CRYL1: variants seen among roughly 807,000 people sequenced by gnomAD.
CRYL1 encodes lambda-crystallin homolog.
Under a neutral mutation model 36.6 loss-of-function variants are expected in CRYL1, and 29 were observed. The ratio of observed to expected loss-of-function variants is 0.79; its 90% CI spans 0.59 to 1.08. CRYL1 has a LOEUF of 1.08. CRYL1 is among the 50% of genes least tolerant of loss of function. The pLI is 0.00. For missense variants in CRYL1, 411 were observed against 407.9 expected, an observed-to-expected ratio of 1.01 and a Z score of -0.06; for synonymous variants, 152 against 151.5, an observed-to-expected ratio of 1.00 and a Z score of -0.02.
chr13:20,510,801 T>TA (rs1233366987), intron 2 of CRYL1, among the ~76,000 whole-genome samples: 1 of 151,800 alleles, frequency 6.6e-6, no homozygotes, highest in African/African-American at 2.4e-5. Context: ...TTAGTAGAGA[T>TA]AGAGTTTCAC....
intron 5 of CRYL1, chr13:20,426,853 C>G: frequency 2.0e-6 from 2 of 985,534 alleles, no homozygotes; most frequent in African/African-American, 1.7e-5. Flanking sequence ...CCCACCCTGA[C>G]AAATCAAGAG....
At chr13:20,516,543 T>G (rs1167749061) in intron 1 of CRYL1, among the ~76,000 whole-genome samples, 1 of 151,164 alleles carries the variant, frequency 6.6e-6, no homozygotes, top group East Asian at 2.0e-4. Flanking sequence ...GCTGTGGGGG[T>G]ATCTCGGCTC....
intron 3 of CRYL1, among the ~76,000 whole-genome samples, chr13:20,468,280 T>A (rs9506491): frequency 6.6e-6 from 1 of 151,712 alleles, no homozygotes; most frequent in African/African-American, 2.4e-5. Context: ...CTATCTCTTC[T>A]AAACTTACTT....
At chr13:20,420,700 G>GTTTTATTTTTTTTTT (rs5802072) in intron 5 of CRYL1, among the ~76,000 whole-genome samples, 1 of 36,430 alleles carries the variant, frequency 2.7e-5, no homozygotes, top group East Asian at 1.4e-3. Flanking sequence ...TAAAATAGAG[G>GTTTTATTTTTTTTTT]TTGTGTGTGT....
chr13:20,423,623 A>G (rs966049195), intron 5 of CRYL1, among the ~76,000 whole-genome samples: 1 of 151,900 alleles, frequency 6.6e-6, no homozygotes, highest in Non-Finnish European at 1.5e-5. Flanking sequence ...TGATTATGTT[A>G]TTAAATATAG....
At chr13:20,429,890 T>G (rs1274714221) in intron 5 of CRYL1, among the ~76,000 whole-genome samples, 7 of 152,184 alleles carry the variant, frequency 4.6e-5, no homozygotes, top group African/African-American at 1.7e-4. Flanking sequence ...AACCTGCTAC[T>G]GGAATGCTGG....
chr13:20,406,584 G>C (rs2031383357), intron 6 of CRYL1, among the ~76,000 whole-genome samples: 2 of 152,120 alleles, frequency 1.3e-5, no homozygotes, highest in Admixed American at 6.5e-5. Context: ...ACTGTAGATG[G>C]CTTAGCATTT....
chr13:20,516,250 G>A (rs1403447873), intron 1 of CRYL1, among the ~76,000 whole-genome samples: 1 of 147,518 alleles, frequency 6.8e-6, no homozygotes, highest in Non-Finnish European at 1.5e-5. Context: ...TATGCTAAAT[G>A]TGGTTTAAAA....
At chr13:20,455,770 G>C (rs963786581) in intron 3 of CRYL1, among the ~76,000 whole-genome samples, 3 of 152,176 alleles carry the variant, frequency 2.0e-5, no homozygotes, top group Admixed American at 6.5e-5. Flanking sequence ...GAAGGCAAAG[G>C]AGTCAGAATA....
chr13:20,416,113 G>A (rs1334880711), intron 5 of CRYL1, among the ~76,000 whole-genome samples: 1 of 151,794 alleles, frequency 6.6e-6, no homozygotes, highest in African/African-American at 2.4e-5. Flanking sequence ...TCGCGCCTCA[G>A]CCTCGCCACG....
At chr13:20,439,212 CA>C (rs1452806953) in intron 4 of CRYL1, among the ~76,000 whole-genome samples, 3 of 152,134 alleles carry the variant, frequency 2.0e-5, no homozygotes, top group African/African-American at 7.2e-5. Context: ...TTTGATGTAG[CA>C]CTTTTATATT....
intron 3 of CRYL1, chr13:20,472,959 G>T (rs962954775): frequency 6.6e-6 from 1 of 152,232 alleles, no homozygotes; most frequent in Non-Finnish European, 1.5e-5. Flanking sequence ...TCGCTTTTTG[G>T]ACTCACTTTT....
In CRYL1 at chr13:20,406,843, C is replaced by T. The variant is rs542227134; in HGVS notation, c.740-2102G>A. ...ACTTGCAGGCAGGCAGGCGCCCTCA[C>T]GAGACCCCTCAGCAGCCAGTTCCAT... On this transcript the variant is annotated intron_variant, in intron 6 of 7. Coordinates refer to ENST00000298248, the MANE Select transcript of CRYL1 (RefSeq NM_015974.3). Among the ~76,000 whole-genome samples, 356 of 151,820 alleles carry T rather than the reference C, an allele frequency of 2.3e-3. 1 individual carries two copies. Among genetic ancestry groups the T allele is most frequent in the African/African-American group, 8.4e-3 (348 of 41,464 alleles).
At position 20,420,702 on chromosome 13, in the gene CRYL1, TGTGTGTG is replaced by T. The variant is rs1190548766; in HGVS notation, c.634-7322_634-7316del. Among the ~76,000 whole-genome samples, 39 of 93,282 alleles carry T rather than the reference TGTGTGTG, an allele frequency of 4.2e-4. 4 individuals carry two copies. Among genetic ancestry groups the T allele is most frequent in the African/African-American group, 1.2e-3 (29 of 23,648 alleles). 61.2% of individuals were successfully genotyped at this position (93,282 alleles called of 152,430 possible). A position where few individuals can be genotyped will look rare whatever the true frequency, so the allele number is the denominator to read the frequency against. On this transcript the variant is annotated intron_variant, in intron 5 of 7. Transcript: ENST00000298248. ...TTTGACTTTTCTTTAAAATAGAGGT[TGTGTGTG>T]TGTGTGTGTGTGTGTGTGTGTGTGT...
intron 5 of CRYL1, among the ~76,000 whole-genome samples, chr13:20,414,446 C>T (rs1347801014): frequency 5.3e-5 from 8 of 151,938 alleles, no homozygotes; most frequent in Admixed American, 5.2e-4. Context: ...GACGGGGCAT[C>T]GTAGTAAAAG....
chr13:20,503,497 T>C (rs2033740479), intron 2 of CRYL1, among the ~76,000 whole-genome samples: 1 of 152,112 alleles, frequency 6.6e-6, no homozygotes, highest in African/African-American at 2.4e-5. Context: ...GCTGACCAGA[T>C]GAGGAGGGAA....
chr13:20,425,142 A>G lies in CRYL1; in HGVS notation c.633+6960T>C, dbSNP rs1339605869. Among the ~76,000 whole-genome samples, 1 of 152,142 alleles carries G rather than the reference A, an allele frequency of 6.6e-6. No homozygotes were observed. The highest frequency in any genetic ancestry group is 1.5e-5 in the Non-Finnish European group (1 of 68,028). On this transcript the variant is annotated intron_variant, in intron 5 of 7. Transcript: ENST00000298248. This position sits in a 1 kb window ranked among gnomAD's most constrained non-coding sequence, Gnocchi z 4.4. ...CCACAGTCTGAAGCAAACCACAGCA[A>G]TTCACTTCCAACGCCGTCCTTCCCC...
intron 3 of CRYL1, among the ~76,000 whole-genome samples, chr13:20,453,246 AT>A (rs2032608656): frequency 6.6e-6 from 1 of 152,224 alleles, no homozygotes; most frequent in Non-Finnish European, 1.5e-5. Flanking sequence ...CAAACAAAGT[AT>A]GTTCTCTGGC....
At chr13:20,420,890 C>T (rs961704398) in intron 5 of CRYL1, among the ~76,000 whole-genome samples, 3 of 151,690 alleles carry the variant, frequency 2.0e-5, no homozygotes, top group South Asian at 2.1e-4. Context: ...CCCGCCACCA[C>T]GCCTGGCTAA....
Sources: allele counts gnomAD v4.1 joint callset (sites outside exome capture counted in the v4.1 genomes callset), GRCh38; gene constraint gnomAD v4.1.1; non-coding constraint Gnocchi (gnomAD v3.1); transcripts MANE v1.5; gene names NCBI Gene and HGNC (gene_info 2026-07-23, HGNC 2026-07-21).